SNAP91: variants seen among roughly 807,000 people sequenced by gnomAD.
SNAP91 encodes the protein synaptosome associated protein 91.
In SNAP91, 27 loss-of-function variants were observed where a neutral mutation model predicts 100.3. That is an observed-to-expected ratio of 0.27 (90% CI 0.20 to 0.37). The LOEUF (loss-of-function observed/expected upper bound fraction) is 0.37. SNAP91 is among the 10% of genes least tolerant of loss of function. The pLI is 1.00. For synonymous variants in SNAP91, 404 were observed against 398.6 expected, an observed-to-expected ratio of 1.01 and a Z score of -0.16; for missense variants, 986 against 1,123.7, an observed-to-expected ratio of 0.88 and a Z score of 1.75.
intron 14 of SNAP91, among the ~76,000 whole-genome samples, chr6:83,604,282 A>G (rs897827300): frequency 4.0e-5 from 6 of 150,428 alleles, no homozygotes; most frequent in African/African-American, 1.5e-4. Flanking sequence ...AAATCTCTTT[A>G]GCAATATTTT....
intron 2 of SNAP91, among the ~76,000 whole-genome samples, chr6:83,672,257 T>C (rs1214893650): frequency 6.6e-6 from 1 of 152,146 alleles, no homozygotes; most frequent in Non-Finnish European, 1.5e-5. Flanking sequence ...ACGAAGTCTT[T>C]TCTGATATTA....
intron 2 of SNAP91, among the ~76,000 whole-genome samples, chr6:83,667,145 G>A (rs2128784387): frequency 6.6e-6 from 1 of 152,078 alleles, no homozygotes; most frequent in South Asian, 2.1e-4. Flanking sequence ...TAACGCATGG[G>A]TAAAAAAATG....
At chr6:83,554,903 T>G (rs2127740298) in intron 29 of SNAP91, among the ~76,000 whole-genome samples, 1 of 152,286 alleles carries the variant, frequency 6.6e-6, no homozygotes, top group South Asian at 2.1e-4. Flanking sequence ...TCTCTCTGTG[T>G]CTCTGTCTTT....
At chr6:83,611,580 T>C (rs2096075538) in intron 11 of SNAP91, 17 of 311,074 alleles carry the variant, frequency 5.5e-5, no homozygotes, top group South Asian at 3.5e-4. Flanking sequence ...ATCACACACA[T>C]AGCAGCAGCA....
At chr6:83,639,394 T>C (rs1337978253) in intron 8 of SNAP91, among the ~76,000 whole-genome samples, 1 of 152,198 alleles carries the variant, frequency 6.6e-6, no homozygotes, top group Non-Finnish European at 1.5e-5. Flanking sequence ...CAAATGGTTA[T>C]GGTTGTCCCA....
At chr6:83,597,831 G>A (rs766006921) in intron 16 of SNAP91, among the ~76,000 whole-genome samples, 12 of 152,160 alleles carry the variant, frequency 7.9e-5, no homozygotes, top group Non-Finnish European at 2.9e-5. Flanking sequence ...GTCTCCAAAG[G>A]TCCCAGGTTA....
At chr6:83,684,110 T>A (rs1310941140) in intron 2 of SNAP91, among the ~76,000 whole-genome samples, 2 of 152,218 alleles carry the variant, frequency 1.3e-5, no homozygotes, top group Admixed American at 1.3e-4. Flanking sequence ...ATGAAATGAA[T>A]AGTTTCATAC....
At chr6:83,623,371 A>G (rs940109176) in intron 8 of SNAP91, 29 bp from the exon 9 acceptor site, 1 of 1,534,350 alleles carries the variant, frequency 6.5e-7, no homozygotes, top group Admixed American at 1.8e-5. Context: ...AGAAATTAGT[A>G]GAACTTTTAA....
At chr6:83,617,172 G>A (rs939726589) in intron 9 of SNAP91, 133 bp from the exon 10 acceptor site, 2 of 510,208 alleles carry the variant, frequency 3.9e-6, no homozygotes, top group Non-Finnish European at 6.8e-6. Context: ...TTAATTGCAG[G>A]TTCTTTTAGT....
chr6:83,651,950 C>G (rs2098225829), intron 7 of SNAP91, among the ~76,000 whole-genome samples: 1 of 152,130 alleles, frequency 6.6e-6, no homozygotes, highest in South Asian at 2.1e-4. Flanking sequence ...GCATTAAGGA[C>G]TGTTGCATCT....
intron 2 of SNAP91, among the ~76,000 whole-genome samples, chr6:83,700,049 G>A (rs2099271655): frequency 2.6e-5 from 4 of 152,162 alleles, no homozygotes; most frequent in Admixed American, 2.6e-4. Context: ...AAATAATAAT[G>A]TACAGCTTTA....
intron 2 of SNAP91, chr6:83,690,377 C>T (rs1323219725): frequency 6.2e-6 from 8 of 1,288,270 alleles, no homozygotes; most frequent in Non-Finnish European, 8.1e-6. Context: ...TCAAAAGATG[C>T]TGGAACATAC....
chr6:83,561,751 A>T (rs1788103546), intron 26 of SNAP91, among the ~76,000 whole-genome samples: 1 of 152,176 alleles, frequency 6.6e-6, no homozygotes, highest in Non-Finnish European at 1.5e-5. Flanking sequence ...CATGCCTGTA[A>T]TCCCAGCATA....
chr6:83,695,276 C>CAAAAAAAAAAAAAAAAAAAAAAA (rs56103542), intron 2 of SNAP91, among the ~76,000 whole-genome samples: 4 of 67,318 alleles, frequency 5.9e-5, no homozygotes, highest in Non-Finnish European at 1.0e-4. Context: ...GGCTCCATCT[C>CAAAAAAAAAAAAAAAAAAAAAAA]AAAAAAAAAA....
rs370089392 is a variant in SNAP91, at chr6:83,580,132, A to G, written c.2299+318T>C. Among the ~76,000 whole-genome samples the G allele has an allele frequency of 6.6e-5, 10 of 152,296 alleles. No individual in the cohort carries two copies. In the South Asian group the frequency reaches 1.9e-3, roughly 28 times the overall value. ...AAGTTACCCTATGTTCTTATTTCCA[A>G]ATGAAATGGAAAGTTAAGTGCTTTT... On this transcript the variant is annotated intron_variant, in intron 24 of 29. Transcript: ENST00000369694.
chr6:83,565,182 C>T (rs1486499680), intron 26 of SNAP91, among the ~76,000 whole-genome samples: 1 of 151,774 alleles, frequency 6.6e-6, no homozygotes, highest in African/African-American at 2.4e-5. Context: ...GAAAAGAAGC[C>T]TTTTCAGGCT....
chr6:83,569,661 A>G (rs1490619740), intron 26 of SNAP91, among the ~76,000 whole-genome samples: 1 of 152,162 alleles, frequency 6.6e-6, no homozygotes, highest in Non-Finnish European at 1.5e-5. Flanking sequence ...CCCAAGTCTC[A>G]TCTTGAATTC....
intron 28 of SNAP91, 97 bp from the exon 29 acceptor site, chr6:83,556,342 GGAGA>G (rs1184252930): frequency 0.021 from 421 of 19,592 alleles, no homozygotes; most frequent in Non-Finnish European, 0.028. Context: ...AGGGAGAGGG[GGAGA>G]GAGAGAGAGA....
At chr6:83,603,395 T>G (rs999696353) in intron 14 of SNAP91, among the ~76,000 whole-genome samples, 1 of 151,852 alleles carries the variant, frequency 6.6e-6, no homozygotes, top group Non-Finnish European at 1.5e-5. Context: ...TTTTTGTGAT[T>G]TTTTTTTCTT....
Sources: gnomAD v4.1 joint callset for allele counts (sites outside exome capture counted in the v4.1 genomes callset) on GRCh38, gnomAD v4.1.1 for gene constraint, MANE v1.5 for transcripts, NCBI Gene and HGNC (gene_info 2026-07-23, HGNC 2026-07-21) for gene names.